The following EEIG1 variants were observed in gnomAD, a reference collection of about 807,000 sequenced individuals.
EEIG1 encodes the protein early estrogen-induced gene 1 protein.
chr9:127,962,977 A>C, the EEIG1 span, among the ~76,000 whole-genome samples: 1 of 152,190 alleles, frequency 6.6e-6, no homozygotes, highest in African/African-American at 2.4e-5. Flanking sequence ...AAAATGATAG[A>C]AGCAAGGTCC....
At chr9:127,969,682 A>C in the EEIG1 span, among the ~76,000 whole-genome samples, 1 of 152,100 alleles carries the variant, frequency 6.6e-6, no homozygotes, top group South Asian at 2.1e-4. Flanking sequence ...CAAGAGGCAG[A>C]AGGAAAATCT....
At chr9:127,944,303 G>A in the EEIG1 span, 1 of 494,942 alleles carries the variant, frequency 2.0e-6, no homozygotes, top group East Asian at 3.5e-5. Context: ...AGAAGGGAGG[G>A]TTCTAAATAA....
chr9:127,950,968 TTGGGA>T, the EEIG1 span, among the ~76,000 whole-genome samples: 4 of 150,338 alleles, frequency 2.7e-5, no homozygotes, highest in African/African-American at 9.8e-5. Flanking sequence ...CCCACAGGGG[TTGGGA>T]GGGGAGGGGC....
the EEIG1 span, chr9:127,943,329 A>G: frequency 7.8e-7 from 1 of 1,288,960 alleles, no homozygotes; most frequent in Non-Finnish European, 1.1e-6. Context: ...TTTCACAAGC[A>G]GGTACTGTTA....
the EEIG1 span, among the ~76,000 whole-genome samples, chr9:127,975,211 C>G: frequency 6.6e-6 from 1 of 152,254 alleles, no homozygotes. Context: ...CAGCGCGGCA[C>G]TGACCTGGCC....
chr9:127,944,465 G>C, the EEIG1 span: 1 of 650,220 alleles, frequency 1.5e-6, no homozygotes, highest in East Asian at 2.7e-5. Flanking sequence ...CTGACAGATG[G>C]GGAAAGGGAG....
At chr9:127,968,374 C>G in the EEIG1 span, among the ~76,000 whole-genome samples, 3 of 152,140 alleles carry the variant, frequency 2.0e-5, no homozygotes, top group Non-Finnish European at 2.9e-5. Flanking sequence ...CTACACACTG[C>G]AAGTTTCCTC....
the EEIG1 span, among the ~76,000 whole-genome samples, chr9:127,974,974 A>C: frequency 6.6e-6 from 1 of 152,176 alleles, no homozygotes; most frequent in Non-Finnish European, 1.5e-5. Context: ...ACTCAGCTCC[A>C]AGGGACAGAA....
chr9:127,954,409 T>G, the EEIG1 span, among the ~76,000 whole-genome samples: 6 of 152,220 alleles, frequency 3.9e-5, no homozygotes, highest in Admixed American at 2.6e-4. Flanking sequence ...AGCCAGTAGA[T>G]AGCTGAGCTG....
At chr9:127,973,582 G>C in the EEIG1 span, among the ~76,000 whole-genome samples, 1 of 152,212 alleles carries the variant, frequency 6.6e-6, no homozygotes, top group Non-Finnish European at 1.5e-5. This position sits in a 1 kb window ranked among gnomAD's most constrained non-coding sequence, Gnocchi z 4.2. Context: ...GGCAGCAAAG[G>C]CTAGGTCCAA....
the EEIG1 span, among the ~76,000 whole-genome samples, chr9:127,959,858 G>A: frequency 6.6e-6 from 1 of 152,136 alleles, no homozygotes; most frequent in Non-Finnish European, 1.5e-5. Flanking sequence ...CTAATACAGG[G>A]GACTTGAGGG....
chr9:127,947,979 C>T, the EEIG1 span: 2 of 1,407,814 alleles, frequency 1.4e-6, no homozygotes, highest in Non-Finnish European at 9.7e-7. Flanking sequence ...ACTCTCCCCT[C>T]AGTCAGCGTC....
the EEIG1 span, among the ~76,000 whole-genome samples, chr9:127,955,327 A>G: frequency 3.3e-5 from 5 of 152,174 alleles, no homozygotes; most frequent in Non-Finnish European, 7.4e-5. Context: ...CTGAAGCTCC[A>G]AAAGAAGGCC....
At chr9:127,951,197 A>C in the EEIG1 span, among the ~76,000 whole-genome samples, 1 of 152,102 alleles carries the variant, frequency 6.6e-6, no homozygotes, top group African/African-American at 2.4e-5. Context: ...GGGGAAAGTG[A>C]GATTGAGACG....
chr9:127,945,000 A>G, the EEIG1 span: 1 of 1,381,660 alleles, frequency 7.2e-7, no homozygotes. Context: ...CGGCGCTCAG[A>G]ATGTCCCTGT....
the EEIG1 span, among the ~76,000 whole-genome samples, chr9:127,961,929 C>T: frequency 1.3e-5 from 2 of 152,206 alleles, no homozygotes; most frequent in African/African-American, 4.8e-5. Context: ...GAGAGGCAGC[C>T]TTGGTCCTAA....
chr9:127,967,817 C>T, the EEIG1 span, among the ~76,000 whole-genome samples: 2 of 152,096 alleles, frequency 1.3e-5, no homozygotes, highest in Non-Finnish European at 2.9e-5. Flanking sequence ...ACAGTGGACA[C>T]CCATGCTGAA....
At chr9:127,962,858 A>G in the EEIG1 span, among the ~76,000 whole-genome samples, 1 of 152,034 alleles carries the variant, frequency 6.6e-6, no homozygotes, top group Non-Finnish European at 1.5e-5. Context: ...ACAAGACCCC[A>G]CCTTGATTAA....
At chr9:127,962,039 G>A in the EEIG1 span, among the ~76,000 whole-genome samples, 1 of 152,200 alleles carries the variant, frequency 6.6e-6, no homozygotes, top group East Asian at 1.9e-4. Flanking sequence ...AAGTAATGAG[G>A]ACTGCTCCGA....
Sources: allele counts gnomAD v4.1 joint callset (sites outside exome capture counted in the v4.1 genomes callset), GRCh38; gene constraint gnomAD v4.1.1; non-coding constraint Gnocchi (gnomAD v3.1); transcripts MANE v1.5; gene names NCBI Gene and HGNC (gene_info 2026-07-23, HGNC 2026-07-21).